The following AGTPBP1 variants were observed in gnomAD, a reference collection of about 807,000 sequenced individuals.
AGTPBP1 encodes cytosolic carboxypeptidase 1.
A neutral mutation model predicts 143.9 loss-of-function variants in AGTPBP1; 70 were observed. That is an observed-to-expected ratio of 0.49 (90% CI 0.40 to 0.59). The LOEUF (loss-of-function observed/expected upper bound fraction) is 0.59. Among genes scored for constraint, AGTPBP1 ranks in the 20% least tolerant of loss-of-function variants. The pLI is 0.00. For synonymous variants in AGTPBP1, 463 were observed against 500.2 expected (o/e 0.93, Z 0.99); for missense variants, 1,229 against 1,464.5 (o/e 0.84, Z 2.62).
chr9:85,596,302 G>GA (rs1829295839), intron 18 of AGTPBP1, 60 bp downstream of exon 18: 8 of 1,134,448 alleles, frequency 7.1e-6, no homozygotes, highest in Non-Finnish European at 1.0e-5. Context: ...ACTGAAACAG[G>GA]ATGTACTTAA....
chr9:85,658,419 T>C (rs1358791348), intron 9 of AGTPBP1, among the ~76,000 whole-genome samples: 1 of 152,108 alleles, frequency 6.6e-6, no homozygotes, highest in Non-Finnish European at 1.5e-5. Flanking sequence ...TATTTAAAAT[T>C]ATTAACCATA....
intron 7 of AGTPBP1, among the ~76,000 whole-genome samples, chr9:85,670,143 C>T (rs1054480913): frequency 1.3e-5 from 2 of 152,154 alleles, no homozygotes; most frequent in African/African-American, 4.8e-5. Context: ...GTAGATGTGG[C>T]TCTGGACACA....
chr9:85,664,166 G>C (rs1834001192), intron 8 of AGTPBP1, among the ~76,000 whole-genome samples: 1 of 152,126 alleles, frequency 6.6e-6, no homozygotes, highest in Non-Finnish European at 1.5e-5. Flanking sequence ...TAGGGCCAAA[G>C]GGGAGAAGCA....
chr9:85,786,082 GT>G, the AGTPBP1 span: 5 of 1,482,284 alleles, frequency 3.4e-6, no homozygotes, highest in Non-Finnish European at 4.6e-6. Flanking sequence ...TAATTTTTTG[GT>G]TTGGGGATTA....
the AGTPBP1 span, among the ~76,000 whole-genome samples, chr9:85,784,616 T>C: frequency 1.3e-5 from 2 of 152,214 alleles, no homozygotes; most frequent in Non-Finnish European, 2.9e-5. Context: ...TCTGATGTAC[T>C]GCAGAGTTTG....
chr9:85,607,312 A>G (rs917492958), intron 17 of AGTPBP1, among the ~76,000 whole-genome samples: 39 of 152,088 alleles, frequency 2.6e-4, no homozygotes, highest in African/African-American at 9.2e-4. Flanking sequence ...ATTACATTTA[A>G]AACAATGTAT....
intron 25 of AGTPBP1, among the ~76,000 whole-genome samples, chr9:85,560,184 C>G (rs762587496): frequency 7.2e-5 from 11 of 151,980 alleles, no homozygotes; most frequent in Non-Finnish European, 1.2e-4. Context: ...ACTTCCTTCA[C>G]TTTGCTAAGT....
At chr9:85,547,356 C>A in intron 25 of AGTPBP1, 70 bp from the exon 26 acceptor site, 1 of 1,272,992 alleles carries the variant, frequency 7.9e-7, no homozygotes, top group South Asian at 2.0e-5. Flanking sequence ...GATTATTTCA[C>A]CATACTGGAC....
chr9:85,769,171 CTTCA>C, the AGTPBP1 span, among the ~76,000 whole-genome samples: 1 of 151,148 alleles, frequency 6.6e-6, no homozygotes, highest in African/African-American at 2.4e-5. Context: ...TCTCTTCTTT[CTTCA>C]TTAAGTCAAC....
chr9:85,640,956 T>C (rs1024960251), intron 13 of AGTPBP1, among the ~76,000 whole-genome samples: 3 of 152,132 alleles, frequency 2.0e-5, no homozygotes, highest in Non-Finnish European at 2.9e-5. Flanking sequence ...AGTACAGAAA[T>C]AAACAATTTA....
intron 23 of AGTPBP1, among the ~76,000 whole-genome samples, chr9:85,582,811 G>A (rs1222795187): frequency 2.0e-5 from 3 of 152,046 alleles, no homozygotes; most frequent in African/African-American, 7.2e-5. Context: ...GTGTATTAGT[G>A]CATCTTTTCC....
chr9:85,622,707 T>C (rs1315836289), intron 14 of AGTPBP1, among the ~76,000 whole-genome samples: 1 of 152,210 alleles, frequency 6.6e-6, no homozygotes, highest in Non-Finnish European at 1.5e-5. Flanking sequence ...TTTAATGTCA[T>C]AACTTTAAAA....
chr9:85,739,435 G>A (rs578250286), intron 1 of AGTPBP1, among the ~76,000 whole-genome samples: 1 of 152,190 alleles, frequency 6.6e-6, no homozygotes. Flanking sequence ...CAGGACGGGC[G>A]TGGTGGCGGA....
At chr9:85,746,570 A>G (rs1168049431), upstream of AGTPBP1, among the ~76,000 whole-genome samples, 1 of 152,130 alleles carries the variant, frequency 6.6e-6, no homozygotes, top group Non-Finnish European at 1.5e-5. Flanking sequence ...TCAAGGCTAC[A>G]GTAAACCGTA....
chr9:85,755,002 C>G, the AGTPBP1 span, among the ~76,000 whole-genome samples: 4 of 152,284 alleles, frequency 2.6e-5, no homozygotes, highest in African/African-American at 9.6e-5. Flanking sequence ...TTTATAGTTG[C>G]TCTTTCTCTT....
chr9:85,735,831 G>A (rs994280068), intron 1 of AGTPBP1, among the ~76,000 whole-genome samples: 1 of 151,912 alleles, frequency 6.6e-6, no homozygotes, highest in Admixed American at 6.6e-5. Flanking sequence ...AACATTATCC[G>A]ACCATAAATC....
chr9:85,795,579 G>A, the AGTPBP1 span, among the ~76,000 whole-genome samples: 16 of 152,198 alleles, frequency 1.1e-4, no homozygotes, highest in East Asian at 3.9e-4. Context: ...AAACAGACCC[G>A]GTCTCTGCTT....
At chr9:85,707,595 C>T (rs574059207) in intron 2 of AGTPBP1, among the ~76,000 whole-genome samples, 4 of 152,236 alleles carry the variant, frequency 2.6e-5, no homozygotes, top group Admixed American at 6.5e-5. Flanking sequence ...ACTTCAACAA[C>T]TTTATGCCTA....
intron 2 of AGTPBP1, among the ~76,000 whole-genome samples, chr9:85,697,438 G>GTTTTTTTTTTTTTTT (rs1178612831): frequency 1.2e-5 from 1 of 83,850 alleles, no homozygotes; most frequent in African/African-American, 4.7e-5. Flanking sequence ...GTCTTAATTT[G>GTTTTTTTTTTTTTTT]TTTTTTGTTT....
Sources: gnomAD v4.1 joint callset for allele counts (sites outside exome capture counted in the v4.1 genomes callset) on GRCh38, gnomAD v4.1.1 for gene constraint, MANE v1.5 for transcripts, NCBI Gene and HGNC (gene_info 2026-07-23, HGNC 2026-07-21) for gene names.